GRM7: variants seen among roughly 807,000 people sequenced by gnomAD.
GRM7 encodes the protein metabotropic glutamate receptor 7.
A neutral mutation model predicts 84.5 loss-of-function variants in GRM7; 35 were observed. That is an observed-to-expected ratio of 0.41 (90% CI 0.32 to 0.55). The LOEUF (loss-of-function observed/expected upper bound fraction) is 0.55, where lower values mean the gene tolerates loss of function less well. Ranked by LOEUF, GRM7 falls within the 20% of genes least tolerant of loss-of-function variation. The probability of loss-of-function intolerance (pLI) is 0.19; values close to 1 mark genes in which losing one functional copy is unlikely to be tolerated. For synonymous variants in GRM7, 487 were observed against 455.1 expected (o/e 1.07, Z -0.89); for missense variants, 1,003 against 1,194.6 (o/e 0.84, Z 2.36).
At chr3:6,960,697 C>T (rs150096844) in intron 1 of GRM7, among the ~76,000 whole-genome samples, 2 of 152,264 alleles carry the variant, frequency 1.3e-5, no homozygotes, top group African/African-American at 4.8e-5. Context: ...AATATTTTCT[C>T]TTATTGTTTT....
chr3:6,925,184 A>G (rs765444341), intron 1 of GRM7, among the ~76,000 whole-genome samples: 10 of 152,046 alleles, frequency 6.6e-5, no homozygotes, highest in Non-Finnish European at 1.3e-4. Context: ...TTCATGCTTT[A>G]CTCTATATAG....
chr3:7,218,521 A>G (rs1372396847), intron 2 of GRM7, among the ~76,000 whole-genome samples: 1 of 152,070 alleles, frequency 6.6e-6, no homozygotes, highest in Non-Finnish European at 1.5e-5. Context: ...AATAGATGAC[A>G]TATAAAAGCT....
chr3:7,272,155 T>A (rs1698889895), intron 2 of GRM7, among the ~76,000 whole-genome samples: 1 of 152,182 alleles, frequency 6.6e-6, no homozygotes, highest in South Asian at 2.1e-4. Context: ...TTTTCCTCTC[T>A]CCCTCCGTAA....
intron 1 of GRM7, among the ~76,000 whole-genome samples, chr3:7,067,660 G>C (rs749505841): frequency 6.6e-6 from 1 of 151,844 alleles, no homozygotes; most frequent in Non-Finnish European, 1.5e-5. Context: ...TACAAACAAG[G>C]CTCCATGGGT....
Position 7,452,826 on chromosome 3 carries a change from A to G in GRM7, c.1375+19A>G. The G allele has an allele frequency of 4.0e-6, 6 of 1,510,964 alleles. No homozygotes were observed. Among genetic ancestry groups the G allele is most frequent in the South Asian group, 1.1e-5 (1 of 88,254 alleles). The allele number at this position is 1,510,964 out of a possible 1,614,324, so 93.6% of individuals were successfully genotyped here. ...TTCAATGGTGAGTCTCCAAAAATCC[A>G]TCCTTTTTGGAATCCTAAGTGTTGG... On this transcript the variant is annotated intron_variant, in intron 6 of 9. Transcript: ENST00000357716.
intron 7 of GRM7, among the ~76,000 whole-genome samples, chr3:7,477,651 TTC>T (rs1698976342): frequency 6.6e-6 from 1 of 152,190 alleles, no homozygotes; most frequent in African/African-American, 2.4e-5. Context: ...CTTTTGTTGT[TTC>T]TCTTTGATGT....
chr3:7,171,967 TG>T (rs1207845154), intron 2 of GRM7, among the ~76,000 whole-genome samples: 1 of 152,206 alleles, frequency 6.6e-6, no homozygotes, highest in Non-Finnish European at 1.5e-5. Context: ...ATTTATTCTC[TG>T]GCTGCAGAAG....
At chr3:7,671,494 C>T (rs913094739) in intron 8 of GRM7, among the ~76,000 whole-genome samples, 2 of 151,708 alleles carry the variant, frequency 1.3e-5, no homozygotes, top group Non-Finnish European at 2.9e-5. Flanking sequence ...CGCCTTACGT[C>T]TATCCAAATA....
chr3:7,014,439 C>G (rs1445152306), intron 1 of GRM7, among the ~76,000 whole-genome samples: 1 of 152,098 alleles, frequency 6.6e-6, no homozygotes, highest in Non-Finnish European at 1.5e-5. Context: ...CTCCAGAGTT[C>G]AAGGGATTCT....
intron 9 of GRM7, among the ~76,000 whole-genome samples, chr3:7,716,049 T>A (rs1287211817): frequency 6.6e-6 from 1 of 152,088 alleles, no homozygotes; most frequent in Non-Finnish European, 1.5e-5. Flanking sequence ...GGCTCTCCTC[T>A]CCCAAGGAAC....
chr3:6,866,069 G>A (rs937317690), intron 1 of GRM7, among the ~76,000 whole-genome samples: 61 of 152,144 alleles, frequency 4.0e-4, no homozygotes, highest in Admixed American at 7.2e-4. Flanking sequence ...TGTGTATTTC[G>A]TGTATACATA....
chr3:7,093,663 C>T, intron 1 of GRM7, among the ~76,000 whole-genome samples: 1 of 96,038 alleles, frequency 1.0e-5, no homozygotes, highest in Non-Finnish European at 1.9e-5. Context: ...GGCGATAGAG[C>T]AAGACTCTGT....
intron 4 of GRM7, among the ~76,000 whole-genome samples, chr3:7,339,655 A>G (rs1225702304): frequency 2.0e-5 from 3 of 152,126 alleles, no homozygotes; most frequent in African/African-American, 7.2e-5. Context: ...CCTGTTTTAA[A>G]GGAATTGATC....
intron 4 of GRM7, among the ~76,000 whole-genome samples, chr3:7,381,034 AAT>A (rs1694568656): frequency 6.6e-6 from 1 of 152,162 alleles, no homozygotes; most frequent in South Asian, 2.1e-4. Context: ...GAGGAAGTCA[AAT>A]TTGGAAGCAG....
intron 8 of GRM7, among the ~76,000 whole-genome samples, chr3:7,663,228 G>A (rs1575605990): frequency 6.6e-6 from 1 of 152,140 alleles, no homozygotes; most frequent in East Asian, 1.9e-4. Context: ...GGAGAAGTTG[G>A]GCTGGGATGC....
chr3:7,400,878 T>C (rs1695420194), intron 4 of GRM7, among the ~76,000 whole-genome samples: 1 of 152,188 alleles, frequency 6.6e-6, no homozygotes, highest in Non-Finnish European at 1.5e-5. Context: ...ATTCACCAAA[T>C]GTGGATAATA....
intron 5 of GRM7, chr3:7,451,647 A>G (rs1385276025): frequency 6.6e-6 from 1 of 152,080 alleles, no homozygotes; most frequent in African/African-American, 2.4e-5. Context: ...TGACCTTTGG[A>G]AGGTGATTTA....
At chr3:7,573,284 G>A (rs976548669) in intron 7 of GRM7, among the ~76,000 whole-genome samples, 3 of 151,694 alleles carry the variant, frequency 2.0e-5, no homozygotes, top group Non-Finnish European at 2.9e-5. Flanking sequence ...TTTTAAATTA[G>A]CTGATTCTAT....
At chr3:7,640,220 A>C (rs539365102) in intron 8 of GRM7, among the ~76,000 whole-genome samples, 1 of 152,328 alleles carries the variant, frequency 6.6e-6, no homozygotes, top group African/African-American at 2.4e-5. Flanking sequence ...TCACTAGATG[A>C]CTTCAGCTAG....
Sources: allele counts gnomAD v4.1 joint callset (sites outside exome capture counted in the v4.1 genomes callset), GRCh38; gene constraint gnomAD v4.1.1; transcripts MANE v1.5; gene names NCBI Gene and HGNC (gene_info 2026-07-23, HGNC 2026-07-21).